TSPAN32: variants seen among roughly 807,000 people sequenced by gnomAD.
TSPAN32 encodes tetraspanin 32, also known as tetraspanin-32.
In TSPAN32, 47 loss-of-function variants were observed where a neutral mutation model predicts 42.7. The observed-to-expected ratio is 1.10, with a 90% CI of 0.87 to 1.40. The LOEUF (loss-of-function observed/expected upper bound fraction) is 1.40. Among genes scored for constraint, TSPAN32 ranks in the 40% most tolerant of loss-of-function variants. The pLI is 0.00. For synonymous variants in TSPAN32, 175 were observed against 175.9 expected (o/e 0.99, Z 0.04); for missense variants, 469 against 424.1 (o/e 1.11, Z -0.93).
intron 4 of TSPAN32, chr11:2,309,315 G>A: frequency 4.3e-6 from 2 of 469,432 alleles, no homozygotes; most frequent in Non-Finnish European, 8.9e-6. Flanking sequence ...CCCCTCCACG[G>A]AACAGCACCC....
intron 1 of TSPAN32, chr11:2,302,596 G>A: frequency 1.8e-6 from 1 of 567,190 alleles, no homozygotes. Context: ...CAGAGGTCCT[G>A]GGTGTCTGGG....
intron 4 of TSPAN32, among the ~76,000 whole-genome samples, chr11:2,309,818 G>A (rs1347086190): frequency 1.3e-5 from 2 of 152,120 alleles, no homozygotes; most frequent in Non-Finnish European, 2.9e-5. Flanking sequence ...CAAATGGGGG[G>A]ACTCAGGCCC....
intron 7 of TSPAN32, 57 bp downstream of exon 7, chr11:2,316,369 GC>G: frequency 6.4e-7 from 1 of 1,553,854 alleles, no homozygotes; most frequent in Non-Finnish European, 8.7e-7. Flanking sequence ...AGCCTGCCCA[GC>G]CCCCGACTCA....
rs1410329539 is a variant in TSPAN32, at chr11:2,304,118, G to A, written c.193G>A (p.Gly65Arg). The A allele has an allele frequency of 6.3e-7, 1 of 1,582,928 alleles. No individual in the cohort carries two copies. Among genetic ancestry groups the A allele is most frequent in the South Asian group, 1.2e-5 (1 of 86,638 alleles). ...CTCCTCCCAACCAGCCTTCTCTGCG[G>A]GGTTGAGCCTGGTGGGCCTCCTGAC... ...QAVHQWAFSA[G>R]LSLVGLLTLG... The change falls in exon 3 of 10, where the codon GGG (glycine) becomes AGG (arginine). Residue 65 changes from glycine (G) to arginine (R), a missense_variant. By Grantham distance (125) the Gly-to-Arg change is moderately radical. Coordinates refer to ENST00000182290, the MANE Select transcript of TSPAN32 (RefSeq NM_139022.3). This position sits in a 1 kb window ranked among gnomAD's most constrained non-coding sequence, Gnocchi z 4.8.
At chr11:2,302,786 A>G in intron 1 of TSPAN32, 58 bp from the exon 2 acceptor site, 1 of 1,465,728 alleles carries the variant, frequency 6.8e-7, no homozygotes, top group African/African-American at 1.4e-5. Flanking sequence ...GCTGGGGCCG[A>G]GCTCCCTGCT....
chr11:2,317,827 A>G lies in TSPAN32; in HGVS notation c.902-36A>G. ...GCTGCGTAAGAAGCAGCATGGATGT[A>G]AGGACTGCAAGCAGTGCCCATTTAT... On this transcript the variant is annotated intron_variant, in intron 9 of 9. Coordinates refer to ENST00000182290, the MANE Select transcript of TSPAN32 (RefSeq NM_139022.3). The surrounding 1 kb of genome is among the most constrained non-coding windows in gnomAD (Gnocchi z 6.2). 1.2e-6 allele frequency: 2 copies of G among 1,605,874 alleles called. No homozygotes were observed. Among genetic ancestry groups the G allele is most frequent in the Non-Finnish European group, 1.7e-6 (2 of 1,174,562 alleles).
At chr11:2,315,718 T>C in intron 6 of TSPAN32, 1 of 1,211,414 alleles carries the variant, frequency 8.3e-7, no homozygotes, top group Non-Finnish European at 1.1e-6. Flanking sequence ...CTCCCTTTTC[T>C]GAAAAGATGC....
chr11:2,306,046 C>G lies in TSPAN32; in HGVS notation c.279+1842C>G, dbSNP rs57604506. Among the ~76,000 whole-genome samples the G allele has an allele frequency of 4.9e-3, 723 of 147,330 alleles. 11 individuals are homozygous for G. Among genetic ancestry groups the G allele is most frequent in the South Asian group, 0.029 (130 of 4,502 alleles). ...TGTGTGTGTGCGTGTGCAGGTGCCT[C>G]TGTGTGTGTGTGTGTGTGTGTGTGT... On this transcript the variant is annotated intron_variant, in intron 3 of 9. Coordinates refer to ENST00000182290, the MANE Select transcript of TSPAN32 (RefSeq NM_139022.3).
rs927295272 is a variant in TSPAN32 at position 2,313,059 on chromosome 11, G to C, written c.355-595G>C. 3.9e-5 allele frequency among the ~76,000 whole-genome samples: 6 copies of C among 152,178 alleles called. No homozygotes were observed. The highest frequency in any genetic ancestry group is 8.8e-5 in the Non-Finnish European group (6 of 68,032). On this transcript the variant is annotated intron_variant, in intron 4 of 9. Coordinates refer to ENST00000182290, the MANE Select transcript of TSPAN32 (RefSeq NM_139022.3). The surrounding 1 kb of genome is among the most constrained non-coding windows in gnomAD (Gnocchi z 9.1). ...GGAGCGCAGGCAGCACATCCAGCCA[G>C]GCCCCGTCACCTTCCACCTTCTTCA... is the stretch of plus-strand genomic sequence containing the variant.
At chr11:2,308,881 G>A (rs1848298405) in intron 4 of TSPAN32, 71 bp downstream of exon 4, 2 of 1,069,140 alleles carry the variant, frequency 1.9e-6, no homozygotes, top group Non-Finnish European at 2.8e-6. Flanking sequence ...GGGGACTGGG[G>A]AGCAGTCCTG....
In TSPAN32 at chr11:2,313,713, G is replaced by A. The variant is rs903165761; in HGVS notation, c.414G>A (p.Thr138=). The A allele has an allele frequency of 8.1e-6, 13 of 1,607,748 alleles. No individual in the cohort carries two copies. Among genetic ancestry groups the A allele is most frequent in the Admixed American group, 3.4e-5 (2 of 59,494 alleles). Reference sequence around the variant, plus strand: ...TATATGAGCAGGCGATGAAAGGTACGTCCCACGTCCGGCGGCAGGAGCTGG... The same window carrying A: ...TATATGAGCAGGCGATGAAAGGTACATCCCACGTCCGGCGGCAGGAGCTGG... ...DLVYEQAMKG[T]SHVRRQELAA... The change falls in exon 5 of 10, where the codon ACG becomes ACA. Residue 138 remains threonine (T), a synonymous_variant. Coordinates refer to ENST00000182290, the MANE Select transcript of TSPAN32 (RefSeq NM_139022.3). The surrounding 1 kb of genome is among the most constrained non-coding windows in gnomAD (Gnocchi z 9.1).
intron 4 of TSPAN32, 118 bp downstream of exon 4, chr11:2,308,928 G>A (rs1250193090): frequency 2.4e-5 from 17 of 711,198 alleles, no homozygotes; most frequent in African/African-American, 7.2e-5. Flanking sequence ...TGTGCTGACC[G>A]GGTGGGGTGG....
Position 2,317,450 on chromosome 11 carries a change from T to G in TSPAN32, c.826T>G (p.Ser276Ala), listed in dbSNP as rs994535743. 10 of 1,603,022 alleles carry G rather than the reference T, an allele frequency of 6.2e-6. No homozygotes were observed. The African/African-American group carries it at 1.3e-4, about 21-fold the overall frequency. ...EAVAIGPRGCSGSLRWLQESD... is the reference protein window; with the variant it reads ...EAVAIGPRGCAGSLRWLQESD... ...AGTTGCTATTGGTCCAAGAGGATGC[T>G]CGGGTAGTCTTCGGTGGCTGCAGGA... is the stretch of plus-strand genomic sequence containing the variant. Residue 276 changes from serine to alanine, a missense_variant, in exon 9 of 10, where the codon TCG becomes GCG. Coordinates refer to ENST00000182290, the MANE Select transcript of TSPAN32 (RefSeq NM_139022.3). The surrounding 1 kb of genome is among the most constrained non-coding windows in gnomAD (Gnocchi z 6.2).
chr11:2,303,833 G>A (rs895914007), intron 2 of TSPAN32, among the ~76,000 whole-genome samples: 3 of 152,164 alleles, frequency 2.0e-5, no homozygotes, highest in Admixed American at 6.5e-5. Context: ...CTTGTCACTA[G>A]GGCATGGCAG....
chr11:2,307,662 G>A (rs1422019505), intron 3 of TSPAN32, among the ~76,000 whole-genome samples: 3 of 152,176 alleles, frequency 2.0e-5, no homozygotes, highest in Admixed American at 1.3e-4. Context: ...CTTAGCTTCC[G>A]CAAGGGGGCT....
At chr11:2,307,832 G>A (rs1848208101) in intron 3 of TSPAN32, among the ~76,000 whole-genome samples, 1 of 152,180 alleles carries the variant, frequency 6.6e-6, no homozygotes, top group Non-Finnish European at 1.5e-5. Flanking sequence ...GACCCAGGCA[G>A]AGTATGGAGA....
intron 6 of TSPAN32, chr11:2,315,746 T>G: frequency 8.1e-7 from 1 of 1,241,286 alleles, no homozygotes; most frequent in Non-Finnish European, 1.0e-6. Context: ...TGCCATGCCC[T>G]GGGGTGGCAC....
Position 2,302,043 on chromosome 11 carries a change from G to A in TSPAN32, c.-107G>A, listed in dbSNP as rs772487085. 8 of 1,495,314 alleles carry A rather than the reference G, an allele frequency of 5.4e-6. No homozygotes were observed. The highest frequency in any genetic ancestry group is 1.4e-5 in the African/African-American group (1 of 71,410). The allele number at this position is 1,495,314 out of a possible 1,614,324, so 92.6% of individuals were successfully genotyped here. On this transcript the variant is annotated 5_prime_UTR_variant, in exon 1 of 10. Coordinates refer to ENST00000182290, the MANE Select transcript of TSPAN32 (RefSeq NM_139022.3). ...GATGTTGACAGACAGACAGAGGGGC[G>A]GATGCAGCCTACCTCCTGGGCAGTG... is the stretch of plus-strand genomic sequence containing the variant.
Position 2,317,873 on chromosome 11 carries a change from C to T in TSPAN32, c.912C>T (p.Gly304=), listed in dbSNP as rs765363258. The change falls in exon 10 of 10, where the codon GGC becomes GGT. Residue 304 remains glycine, a synonymous_variant. Coordinates refer to ENST00000182290, the MANE Select transcript of TSPAN32 (RefSeq NM_139022.3). The surrounding 1 kb of genome is among the most constrained non-coding windows in gnomAD (Gnocchi z 6.2). ...TTTATGATCTCGCAGCTCTCCAGGGCAGAAGTCGCGGTGGGCTCAGTGGGT... is the reference window on the plus strand; with the variant it reads ...TTTATGATCTCGCAGCTCTCCAGGGTAGAAGTCGCGGTGGGCTCAGTGGGT... ...CHLAAHRALQ[G]RSRGGLSGCP... is the part of the protein sequence containing the mutation. 4 of 1,542,346 alleles carry T rather than the reference C, an allele frequency of 2.6e-6. No homozygotes were observed. The East Asian group carries it at 9.0e-5, about 35-fold the overall frequency.
Sources: gnomAD v4.1 joint callset for allele counts (sites outside exome capture counted in the v4.1 genomes callset) on GRCh38, gnomAD v4.1.1 for gene constraint, Gnocchi (gnomAD v3.1) non-coding constraint, MANE v1.5 for transcripts, NCBI Gene and HGNC (gene_info 2026-07-23, HGNC 2026-07-21) for gene names.